The following COG2 variants were observed in gnomAD, a reference collection of about 807,000 sequenced individuals.
The protein encoded by COG2 is conserved oligomeric Golgi complex subunit 2.
Under a neutral mutation model 90.6 loss-of-function variants are expected in COG2, and 52 were observed. That is an observed-to-expected ratio of 0.57 (90% CI 0.46 to 0.72). COG2 has a LOEUF of 0.72. Ranked by LOEUF, COG2 falls within the 30% of genes least tolerant of loss-of-function variation. The pLI, the probability that COG2 is intolerant of heterozygous loss-of-function variation, is 0.00. For missense variants in COG2, 829 were observed against 891.2 expected, an observed-to-expected ratio of 0.93 and a Z score of 0.89; for synonymous variants, 337 against 320.4, an observed-to-expected ratio of 1.05 and a Z score of -0.55.
rs1466803203 is a variant in COG2 at position 230,687,101 on chromosome 1, T to C, written c.1547T>C (p.Val516Ala). The C allele has an allele frequency of 1.2e-6, 2 of 1,613,062 alleles. No individual in the cohort carries two copies. Among genetic ancestry groups the C allele is most frequent in the Admixed American group, 3.3e-5 (2 of 59,892 alleles). The change falls in exon 13 of 18, where the codon GTG becomes GCG. Residue 516 changes from valine (V) to alanine (A), a missense_variant. Physicochemically the swap from Val to Ala is moderately conservative, Grantham distance 64. Transcript: ENST00000366669. ...ATTTCCCGCACTCAGCTCGTGTATG[T>C]GGTTGCAGACCTGGACAAGCTTCAG... Reference protein sequence around the residue: ...VSISRTQLVYVVADLDKLQEQ... With the variant: ...VSISRTQLVYAVADLDKLQEQ...
In COG2 at chr1:230,693,313, G is replaced by A; in HGVS notation, c.2137G>A (p.Ala713Thr). The change falls in exon 18 of 18, where the codon GCA (alanine) becomes ACA (threonine). Residue 713 changes from alanine to threonine, a missense_variant. Transcript: ENST00000366669. ...GCAGATACAAAAGTTGGGACTACAAGCAAGTGACATAAAAAGCTTCTCAGC... is the reference window on the plus strand; with the variant it reads ...GCAGATACAAAAGTTGGGACTACAAACAAGTGACATAAAAAGCTTCTCAGC... ...GEQIQKLGLQ[A>T]SDIKSFSALA... 1 of 1,613,158 alleles carries A rather than the reference G, an allele frequency of 6.2e-7. No homozygotes were observed. Among genetic ancestry groups the A allele is most frequent in the African/African-American group, 1.3e-5 (1 of 74,990 alleles).
At chr1:230,644,488 C>T (rs772181745) in intron 1 of COG2, among the ~76,000 whole-genome samples, 23 of 152,152 alleles carry the variant, frequency 1.5e-4, no homozygotes, top group Non-Finnish European at 3.1e-4. Context: ...AGGTTTTGTA[C>T]GTGTGAGAAA....
intron 6 of COG2, 100 bp from the exon 7 acceptor site, chr1:230,669,256 C>T: frequency 1.9e-6 from 2 of 1,033,302 alleles, no homozygotes; most frequent in Non-Finnish European, 1.4e-6. Context: ...TTATATATGT[C>T]ATTATCTGTT....
intron 2 of COG2, 35 bp downstream of exon 2, chr1:230,659,660 T>A: frequency 6.3e-7 from 1 of 1,591,050 alleles, no homozygotes; most frequent in Non-Finnish European, 8.6e-7. Flanking sequence ...TTTACATACA[T>A]ACAATTTCTT....
At chr1:230,676,311 G>T (rs1662592689) in intron 9 of COG2, among the ~76,000 whole-genome samples, 1 of 151,652 alleles carries the variant, frequency 6.6e-6, no homozygotes, top group Admixed American at 6.6e-5. Flanking sequence ...GACTTCTGGG[G>T]ATCTGTTTTC....
At chr1:230,685,018 A>ACATTG in intron 11 of COG2, 67 bp from the exon 12 acceptor site, 3 of 1,483,088 alleles carry the variant, frequency 2.0e-6, no homozygotes, top group Non-Finnish European at 2.7e-6. Flanking sequence ...CGGAAGTCTC[A>ACATTG]CATTAGACTA....
At position 230,678,058 on chromosome 1, in the gene COG2, T is replaced by C. The variant is rs16852210; in HGVS notation, c.1027-855T>C. The C allele has an allele frequency of 3.2e-3, 3,112 of 985,406 alleles. 23 individuals carry two copies. Among genetic ancestry groups the C allele is most frequent in the African/African-American group, 0.029 (1,641 of 57,350 alleles). 61.0% of individuals were successfully genotyped at this position (985,406 alleles called of 1,614,324 possible). ...TAAGATCCTTTCTAAGCACAGACTTTAGCATATTTAGATTAATGGTTTGAT... is the reference window on the plus strand; with the variant it reads ...TAAGATCCTTTCTAAGCACAGACTTCAGCATATTTAGATTAATGGTTTGAT... On this transcript the variant is annotated intron_variant, in intron 9 of 17. Transcript: ENST00000366669.
chr1:230,659,405 T>C (rs1158765380), intron 1 of COG2, 59 bp from the exon 2 acceptor site: 2 of 1,327,902 alleles, frequency 1.5e-6, no homozygotes, highest in African/African-American at 2.9e-5. Context: ...CCATTTCATT[T>C]GTATATGTCA....
At position 230,693,127 on chromosome 1, in the gene COG2, A is replaced by G. The variant is rs3789662; in HGVS notation, c.2116-165A>G. Among the ~76,000 whole-genome samples, 37,949 of 152,036 alleles carry G rather than the reference A, an allele frequency of 0.25. 5,344 individuals carry two copies. The highest frequency in any genetic ancestry group is 0.58 in the East Asian group (3,003 of 5,160). Reference sequence around the variant, plus strand: ...AAGTGTTTGACCCCAAAATCCTCACATTTTACAACAAGTAAATCCTTTGCT... The same window carrying G: ...AAGTGTTTGACCCCAAAATCCTCACGTTTTACAACAAGTAAATCCTTTGCT... On this transcript the variant is annotated intron_variant, in intron 17 of 17. Coordinates refer to ENST00000366669, the MANE Select transcript of COG2 (RefSeq NM_007357.3).
chr1:230,656,631 T>C lies in COG2; in HGVS notation c.73-2833T>C, dbSNP rs142209543. ...AACTGAGTTCAAGTCCTGAATATCCTTGTTAATTTTCTGTCTTGTTGATCT... is the reference window on the plus strand; with the variant it reads ...AACTGAGTTCAAGTCCTGAATATCCCTGTTAATTTTCTGTCTTGTTGATCT... On this transcript the variant is annotated intron_variant, in intron 1 of 17. Coordinates refer to ENST00000366669, the MANE Select transcript of COG2 (RefSeq NM_007357.3). Among the ~76,000 whole-genome samples the C allele has an allele frequency of 8.6e-3, 1,315 of 152,302 alleles. 14 individuals carry two copies. The highest frequency in any genetic ancestry group is 0.03 in the African/African-American group (1,229 of 41,558).
chr1:230,679,117 G>A, intron 10 of COG2, 65 bp downstream of exon 10: 1 of 1,488,712 alleles, frequency 6.7e-7, no homozygotes, highest in Non-Finnish European at 9.1e-7. Flanking sequence ...TGCCAGTTAA[G>A]GATGTTGCCT....
chr1:230,686,369 T>C (rs1292470844), intron 12 of COG2, among the ~76,000 whole-genome samples: 1 of 152,242 alleles, frequency 6.6e-6, no homozygotes, highest in Non-Finnish European at 1.5e-5. Context: ...GCATGCGTTC[T>C]TGCTAGCCAG....
chr1:230,649,413 C>T lies in COG2; in HGVS notation c.72+6735C>T, dbSNP rs375741778. On this transcript the variant is annotated intron_variant, in intron 1 of 17. Transcript: ENST00000366669. ...GCTGTTGTGAGGAAGGGTTCCCTTCCCACAGTCTTTCCCATGGCTGTTGCC... is the reference window on the plus strand; with the variant it reads ...GCTGTTGTGAGGAAGGGTTCCCTTCTCACAGTCTTTCCCATGGCTGTTGCC... 2.9e-3 allele frequency among the ~76,000 whole-genome samples: 440 copies of T among 152,240 alleles called. 2 individuals carry two copies. Among genetic ancestry groups the T allele is most frequent in the Middle Eastern group, 0.024 (7 of 294 alleles).
chr1:230,687,205 C>A, intron 13 of COG2, 73 bp downstream of exon 13: 2 of 1,358,440 alleles, frequency 1.5e-6, no homozygotes, highest in Non-Finnish European at 2.0e-6. Flanking sequence ...GTGTAAAAGG[C>A]AAACACCACT....
chr1:230,666,153 C>T (rs1194352206), intron 5 of COG2, among the ~76,000 whole-genome samples: 1 of 152,178 alleles, frequency 6.6e-6, no homozygotes, highest in African/African-American at 2.4e-5. Context: ...TCACATTCAT[C>T]ATGTTGAAAA....
chr1:230,666,115 G>A (rs1179221294), intron 5 of COG2, among the ~76,000 whole-genome samples: 1 of 152,096 alleles, frequency 6.6e-6, no homozygotes, highest in Non-Finnish European at 1.5e-5. Context: ...CTGACTGCGG[G>A]GAGTTTAGTG....
intron 3 of COG2, among the ~76,000 whole-genome samples, chr1:230,662,814 G>T (rs1409825811): frequency 1.3e-5 from 2 of 152,002 alleles, no homozygotes; most frequent in Non-Finnish European, 2.9e-5. Context: ...CAAATTTTTA[G>T]AATCTACCTC....
At chr1:230,642,757 C>T (rs536425670) in intron 1 of COG2, 79 bp downstream of exon 1, 87 of 1,395,808 alleles carry the variant, frequency 6.2e-5, no homozygotes, top group Non-Finnish European at 8.9e-6. Context: ...TCTCTTCGGT[C>T]GGCTGCTCCT....
intron 14 of COG2, 50 bp from the exon 15 acceptor site, chr1:230,688,370 C>A (rs766299402): frequency 1.2e-6 from 2 of 1,601,756 alleles, no homozygotes; most frequent in South Asian, 2.2e-5. Context: ...AAATGAAGTT[C>A]ATGTCTGGGC....
Sources: gnomAD v4.1 joint callset for allele counts (sites outside exome capture counted in the v4.1 genomes callset) on GRCh38, gnomAD v4.1.1 for gene constraint, MANE v1.5 for transcripts, NCBI Gene and HGNC (gene_info 2026-07-23, HGNC 2026-07-21) for gene names.